The following MBD5 variants were observed in gnomAD, a reference collection of about 807,000 sequenced individuals.
The protein encoded by MBD5 is methyl-CpG-binding domain protein 5.
Under a neutral mutation model 117.3 loss-of-function variants are expected in MBD5, and 13 were observed. The observed-to-expected ratio is 0.11, with a 90% CI of 0.07 to 0.18. The LOEUF (loss-of-function observed/expected upper bound fraction) is 0.18. Ranked by LOEUF, MBD5 falls within the 10% of genes least tolerant of loss-of-function variation. The pLI, the probability that MBD5 is intolerant of heterozygous loss-of-function variation, is 1.00. For missense variants in MBD5, 1,879 were observed against 2,093.8 expected, an observed-to-expected ratio of 0.90 and a Z score of 2.00; for synonymous variants, 727 against 766.4, an observed-to-expected ratio of 0.95 and a Z score of 0.85.
intron 1 of MBD5, among the ~76,000 whole-genome samples, chr2:148,100,027 G>A (rs1696165859): frequency 6.6e-6 from 1 of 152,220 alleles, no homozygotes; most frequent in African/African-American, 2.4e-5. Flanking sequence ...AATATAATGT[G>A]TTGAGTTTAC....
intron 2 of MBD5, among the ~76,000 whole-genome samples, chr2:148,180,617 A>G (rs1698508132): frequency 6.6e-6 from 1 of 151,354 alleles, no homozygotes; most frequent in Admixed American, 6.6e-5. Flanking sequence ...TGCAGCATCA[A>G]CCTCCTAGGC....
chr2:148,369,577 TAAAG>T (rs1406955429), intron 4 of MBD5, among the ~76,000 whole-genome samples: 2 of 152,166 alleles, frequency 1.3e-5, no homozygotes, highest in Non-Finnish European at 2.9e-5. Flanking sequence ...GGAATCTGGA[TAAAG>T]AGTTACAAGA....
chr2:148,355,165 G>A (rs1703348132), intron 4 of MBD5, among the ~76,000 whole-genome samples: 2 of 151,902 alleles, frequency 1.3e-5, no homozygotes, highest in Non-Finnish European at 2.9e-5. Context: ...TGTAGATGCT[G>A]GATATTAGAC....
intron 8 of MBD5, among the ~76,000 whole-genome samples, chr2:148,474,326 C>T (rs151172391): frequency 6.6e-6 from 1 of 152,156 alleles, no homozygotes; most frequent in Non-Finnish European, 1.5e-5. Flanking sequence ...AGGACTTAGC[C>T]CTGTTAGTAT....
chr2:148,457,486 A>T (rs1387015444), intron 4 of MBD5, among the ~76,000 whole-genome samples: 3 of 152,138 alleles, frequency 2.0e-5, no homozygotes, highest in African/African-American at 7.2e-5. Context: ...TTAATAGCTC[A>T]ATCAAGATAA....
At chr2:148,285,769 G>A (rs989978866) in intron 3 of MBD5, among the ~76,000 whole-genome samples, 2 of 152,058 alleles carry the variant, frequency 1.3e-5, no homozygotes, top group African/African-American at 4.8e-5. Context: ...ATGTTGCCTA[G>A]GCTGGTCTGG....
intron 1 of MBD5, among the ~76,000 whole-genome samples, chr2:148,023,581 T>A (rs796610100): frequency 2.6e-5 from 4 of 152,330 alleles, no homozygotes; most frequent in African/African-American, 9.6e-5. Context: ...TTCCAAGTCC[T>A]TGTAAGGTTT....
At chr2:148,338,363 G>C (rs1702849901) in intron 3 of MBD5, among the ~76,000 whole-genome samples, 3 of 151,874 alleles carry the variant, frequency 2.0e-5, no homozygotes, top group Admixed American at 2.0e-4. Flanking sequence ...AAAATTCCCA[G>C]CCTTATGTGT....
intron 1 of MBD5, among the ~76,000 whole-genome samples, chr2:148,107,639 T>C (rs1219620114): frequency 2.0e-5 from 3 of 152,120 alleles, no homozygotes; most frequent in Non-Finnish European, 4.4e-5. Flanking sequence ...ACTTTTTTGC[T>C]TTAATTATCA....
chr2:148,090,187 G>A (rs2105224143), intron 1 of MBD5, among the ~76,000 whole-genome samples: 1 of 152,030 alleles, frequency 6.6e-6, no homozygotes, highest in Middle Eastern at 3.4e-3. Flanking sequence ...GATTGAAACA[G>A]TAATTTAAAA....
Position 148,097,778 on chromosome 2 carries a change from C to T in MBD5, c.-925+76094C>T, listed in dbSNP as rs546333353. On this transcript the variant is annotated intron_variant, in intron 1 of 13. Transcript: ENST00000642680. ...ATTGAACAATTCAGAAAAGGTTTCC[C>T]CAGAAGCCATAGCATTTAAATTGAG... 3.9e-5 allele frequency among the ~76,000 whole-genome samples: 6 copies of T among 152,166 alleles called. No individual in the cohort carries two copies. The South Asian group carries it at 1.2e-3, about 32-fold the overall frequency.
intron 4 of MBD5, among the ~76,000 whole-genome samples, chr2:148,439,563 T>C (rs948959720): frequency 6.6e-6 from 1 of 152,280 alleles, no homozygotes; most frequent in African/African-American, 2.4e-5. Flanking sequence ...ACCATTTTAA[T>C]TGCAGAAATC....
intron 2 of MBD5, among the ~76,000 whole-genome samples, chr2:148,232,291 GAGTCTTAAATTC>G (rs1700006731): frequency 6.6e-6 from 1 of 152,180 alleles, no homozygotes; most frequent in Non-Finnish European, 1.5e-5. Flanking sequence ...TTGAACAAGG[GAGTCTTAAATTC>G]AGTTTTCTTT....
chr2:148,488,266 T>C (rs1681400912), intron 10 of MBD5, among the ~76,000 whole-genome samples: 1 of 152,218 alleles, frequency 6.6e-6, no homozygotes. Flanking sequence ...CGTAAGATCA[T>C]CTACTAAGAA....
chr2:148,452,577 T>C (rs1043294933), intron 4 of MBD5, among the ~76,000 whole-genome samples: 2 of 106,616 alleles, frequency 1.9e-5, no homozygotes, highest in Non-Finnish European at 3.9e-5. Context: ...GACAATAATC[T>C]CATTAAAGCA....
At chr2:148,343,739 G>C (rs1703012332) in intron 4 of MBD5, among the ~76,000 whole-genome samples, 1 of 151,894 alleles carries the variant, frequency 6.6e-6, no homozygotes, top group African/African-American at 2.4e-5. Context: ...TATTTACTCT[G>C]TTGATAATTT....
At chr2:148,360,165 C>T (rs6430310) in intron 4 of MBD5, among the ~76,000 whole-genome samples, 34,523 of 151,854 alleles carry the variant, frequency 0.23, 4,823 homozygotes, top group African/African-American at 0.39. Flanking sequence ...TATTATAAAC[C>T]CTCCATGTCT....
At chr2:148,484,278 C>A (rs1178937494) in intron 9 of MBD5, 143 bp downstream of exon 9, 1 of 676,434 alleles carries the variant, frequency 1.5e-6, no homozygotes, top group Non-Finnish European at 2.4e-6. Flanking sequence ...CTAAATATAA[C>A]AACACCCACA....
chr2:148,235,426 G>T (rs904547926), intron 3 of MBD5, among the ~76,000 whole-genome samples: 18 of 152,004 alleles, frequency 1.2e-4, no homozygotes, highest in African/African-American at 3.9e-4. Flanking sequence ...CAAGCCCTTT[G>T]TTTTTTATTA....
Sources: gnomAD v4.1 joint callset for allele counts (sites outside exome capture counted in the v4.1 genomes callset) on GRCh38, gnomAD v4.1.1 for gene constraint, MANE v1.5 for transcripts, NCBI Gene and HGNC (gene_info 2026-07-23, HGNC 2026-07-21) for gene names.